PHF2: variants seen among roughly 807,000 people sequenced by gnomAD.
PHF2 encodes lysine-specific demethylase PHF2.
Under a neutral mutation model 120.5 loss-of-function variants are expected in PHF2, and 27 were observed. The observed-to-expected ratio is 0.22, with a 90% CI of 0.17 to 0.31. The LOEUF (loss-of-function observed/expected upper bound fraction) is 0.31. Ranked by LOEUF, PHF2 falls within the 10% of genes least tolerant of loss-of-function variation. The probability of loss-of-function intolerance (pLI) is 1.00; values close to 1 mark genes in which losing one functional copy is unlikely to be tolerated. For missense variants in PHF2, 1,024 were observed against 1,434.8 expected, an observed-to-expected ratio of 0.71 and a Z score of 4.63; for synonymous variants, 568 against 592.5, an observed-to-expected ratio of 0.96 and a Z score of 0.60.
chr9:93,632,869 G>A (rs1339700545), intron 2 of PHF2, among the ~76,000 whole-genome samples: 2 of 152,196 alleles, frequency 1.3e-5, no homozygotes, highest in Non-Finnish European at 2.9e-5. Context: ...AGGGACAAAG[G>A]TACACAGTTC....
intron 1 of PHF2, among the ~76,000 whole-genome samples, chr9:93,626,371 A>G (rs1446948710): frequency 6.6e-6 from 1 of 152,226 alleles, no homozygotes; most frequent in African/African-American, 2.4e-5. Flanking sequence ...GTCCATTTGC[A>G]TATTTCTTTG....
In PHF2 at chr9:93,576,679, G is replaced by C; in HGVS notation, c.-95G>C. 4.3e-6 allele frequency: 1 copy of C among 234,680 alleles called. No individual in the cohort carries two copies. Among genetic ancestry groups the C allele is most frequent in the Non-Finnish European group, 6.7e-6 (1 of 149,098 alleles). The allele number at this position is 234,680 out of a possible 1,614,324, so 14.5% of individuals were successfully genotyped here. On this transcript the variant is annotated 5_prime_UTR_variant, in exon 1 of 22. Transcript: ENST00000359246. ...GCCGCGGCGCCGCCTGCGCCCCGCCGCCCCCGCCGCCCCCGCGCGGCCCGG... is the reference window on the plus strand; with the variant it reads ...GCCGCGGCGCCGCCTGCGCCCCGCCCCCCCCGCCGCCCCCGCGCGGCCCGG...
At chr9:93,638,628 A>G (rs775978281) in intron 3 of PHF2, among the ~76,000 whole-genome samples, 4 of 152,212 alleles carry the variant, frequency 2.6e-5, no homozygotes, top group South Asian at 2.1e-4. Context: ...CCACTAATCT[A>G]TATCTCTGCT....
At chr9:93,592,361 G>A (rs1436116572) in intron 1 of PHF2, among the ~76,000 whole-genome samples, 2 of 152,122 alleles carry the variant, frequency 1.3e-5, no homozygotes, top group African/African-American at 2.4e-5. Context: ...TTTGGGGAGC[G>A]CAGCATCATT....
intron 1 of PHF2, among the ~76,000 whole-genome samples, chr9:93,621,233 C>T (rs932940312): frequency 3.3e-5 from 5 of 152,208 alleles, no homozygotes; most frequent in African/African-American, 7.2e-5. Context: ...CCCTGGTGGG[C>T]GGGCCCTGGA....
intron 1 of PHF2, among the ~76,000 whole-genome samples, chr9:93,620,419 G>A (rs183452643): frequency 6.6e-6 from 1 of 152,348 alleles, no homozygotes; most frequent in East Asian, 1.9e-4. Context: ...CTGGCTGGGG[G>A]ATCCTTTGTG....
In PHF2 at chr9:93,657,065, C is replaced by T. The variant is rs371517611; in HGVS notation, c.1147+470C>T. 1.1e-4 allele frequency among the ~76,000 whole-genome samples: 17 copies of T among 152,190 alleles called. No homozygotes were observed. The East Asian group carries it at 1.6e-3, about 14-fold the overall frequency. On this transcript the variant is annotated intron_variant, in intron 9 of 21. Coordinates refer to ENST00000359246, the MANE Select transcript of PHF2 (RefSeq NM_005392.4). Reference sequence around the variant, plus strand: ...CTCTGTGGATGCACTTTGGCATCCCCGGGCCGCCCTTTTCTGTCCCAGGTC... The same window carrying T: ...CTCTGTGGATGCACTTTGGCATCCCTGGGCCGCCCTTTTCTGTCCCAGGTC...
At chr9:93,579,075 C>T (rs10992790) in intron 1 of PHF2, among the ~76,000 whole-genome samples, 40,090 of 152,086 alleles carry the variant, frequency 0.26, 6,575 homozygotes, top group Non-Finnish European at 0.35. Context: ...GGAGGACAGC[C>T]GTCAGGGGTT....
At chr9:93,638,797 C>T (rs998041850) in intron 3 of PHF2, among the ~76,000 whole-genome samples, 5 of 152,200 alleles carry the variant, frequency 3.3e-5, no homozygotes, top group African/African-American at 4.8e-5. Flanking sequence ...TGGCTTACTG[C>T]AACCTCCACC....
Position 93,578,946 on chromosome 9 carries a change from G to A in PHF2, c.98+2075G>A, listed in dbSNP as rs142558105. Among the ~76,000 whole-genome samples the A allele has an allele frequency of 3.6e-3, 543 of 152,192 alleles. 4 individuals are homozygous for A. The highest frequency in any genetic ancestry group is 5.6e-3 in the Admixed American group (86 of 15,294). On this transcript the variant is annotated intron_variant, in intron 1 of 21. Coordinates refer to ENST00000359246, the MANE Select transcript of PHF2 (RefSeq NM_005392.4). ...TCTGAAAGAAGCTGTGCTTTCCCTCGGCCATGAAAGTCATTTTCTCCTGCA... is the reference window on the plus strand; with the variant it reads ...TCTGAAAGAAGCTGTGCTTTCCCTCAGCCATGAAAGTCATTTTCTCCTGCA...
chr9:93,610,325 A>G lies in PHF2; in HGVS notation c.99-19645A>G, dbSNP rs115112936. 2.2e-3 allele frequency among the ~76,000 whole-genome samples: 332 copies of G among 152,078 alleles called. 2 individuals carry two copies. Among genetic ancestry groups the G allele is most frequent in the African/African-American group, 7.8e-3 (322 of 41,486 alleles). On this transcript the variant is annotated intron_variant, in intron 1 of 21. Coordinates refer to ENST00000359246, the MANE Select transcript of PHF2 (RefSeq NM_005392.4). The stretch of plus-strand genomic sequence containing the variant: ...TTTGTCTTTATGCCTCAGTTTGGGA[A>G]GTTTCTATTGGCATATCTTCAGGCT...
Position 93,673,739 on chromosome 9 carries a change from G to A in PHF2, c.2503G>A (p.Gly835Ser), listed in dbSNP as rs1305554280. 7 of 1,613,398 alleles carry A rather than the reference G, an allele frequency of 4.3e-6. No homozygotes were observed. The highest frequency in any genetic ancestry group is 5.9e-6 in the Non-Finnish European group (7 of 1,179,778). ...TGCCCATGGTGCCCGGAAGAATGGG[G>A]GTGGCAGTGGCAAGAGTGCAGGCAA... Reference protein sequence around the residue: ...LAAHGARKNGGGSGKSAGKRL... With the variant: ...LAAHGARKNGSGSGKSAGKRL... Residue 835 changes from glycine to serine, a missense_variant, in exon 18 of 22, where the codon GGT becomes AGT. Gly to Ser is a moderately conservative substitution (Grantham distance 56). Around this residue, in one of 2 missense-constraint regions of PHF2, gnomAD observed 677 missense variants for 857.4 expected, o/e 0.79. Coordinates refer to ENST00000359246, the MANE Select transcript of PHF2 (RefSeq NM_005392.4).
intron 17 of PHF2, among the ~76,000 whole-genome samples, chr9:93,673,357 C>G (rs1826845080): frequency 6.6e-6 from 1 of 152,076 alleles, no homozygotes; most frequent in South Asian, 2.1e-4. Flanking sequence ...GCCTCCAGCC[C>G]TCCCTGTGGC....
chr9:93,645,765 G>C lies in PHF2; in HGVS notation c.436G>C (p.Val146Leu). ...GGCTGTCCCGGCCCCCACGTTCTAT[G>C]TCAGTGACGTCGAGAACTACGTGGG... ...GLAVPAPTFY[V>L]SDVENYVGPE... The change falls in exon 4 of 22, where the codon GTC (valine) becomes CTC (leucine). Residue 146 changes from valine to leucine, a missense_variant. By Grantham distance (32) the Val-to-Leu change is conservative (BLOSUM62 1). Transcript: ENST00000359246. The C allele has an allele frequency of 6.2e-7, 1 of 1,603,810 alleles. No individual in the cohort carries two copies. Among genetic ancestry groups the C allele is most frequent in the Non-Finnish European group, 8.5e-7 (1 of 1,175,174 alleles).
rs976194617 is a variant in PHF2, at chr9:93,655,674, C to T, written c.953-260C>T. Among the ~76,000 whole-genome samples, 4 of 152,244 alleles carry T rather than the reference C, an allele frequency of 2.6e-5. No homozygotes were observed. The East Asian group carries it at 7.7e-4, about 29-fold the overall frequency. ...CTGGACTGACTAGTCTGTGCTGTCT[C>T]AGACACAGCCTCTCCCCCGACCCCC... On this transcript the variant is annotated intron_variant, in intron 7 of 21. Coordinates refer to ENST00000359246, the MANE Select transcript of PHF2 (RefSeq NM_005392.4).
chr9:93,585,621 T>A (rs1398494293), intron 1 of PHF2, among the ~76,000 whole-genome samples: 2 of 152,228 alleles, frequency 1.3e-5, no homozygotes, highest in African/African-American at 4.8e-5. Flanking sequence ...CTGATTGGCC[T>A]TGGAGAGTGC....
chr9:93,649,859 C>T (rs1417637628), intron 5 of PHF2, among the ~76,000 whole-genome samples: 1 of 152,112 alleles, frequency 6.6e-6, no homozygotes, highest in Admixed American at 6.5e-5. Flanking sequence ...GGTGCAGTCA[C>T]ACTCATGGAC....
At chr9:93,602,244 A>ATCCT (rs1825453988) in intron 1 of PHF2, among the ~76,000 whole-genome samples, 1 of 79,670 alleles carries the variant, frequency 1.3e-5, no homozygotes, top group Non-Finnish European at 2.6e-5. Context: ...ATTCCTAGAG[A>ATCCT]TTCTTTTTTT....
intron 1 of PHF2, among the ~76,000 whole-genome samples, chr9:93,585,740 G>A (rs60471694): frequency 0.014 from 2,148 of 152,326 alleles, 63 homozygotes; most frequent in African/African-American, 0.048. Flanking sequence ...CCAGATCACT[G>A]AGATCTTATT....
Sources: gnomAD v4.1 joint callset for allele counts (sites outside exome capture counted in the v4.1 genomes callset) on GRCh38, gnomAD v4.1.1 for gene constraint, gnomAD v4.1.1 regional missense constraint, MANE v1.5 for transcripts, NCBI Gene and HGNC (gene_info 2026-07-23, HGNC 2026-07-21) for gene names.